Variants in RFC2 observed in about 807,000 individuals in gnomAD.
The protein encoded by RFC2 is replication factor C subunit 2.
A neutral mutation model predicts 44.8 loss-of-function variants in RFC2; 34 were observed. The observed-to-expected ratio is 0.76, with a 90% confidence interval of 0.58 to 1.01. The LOEUF (loss-of-function observed/expected upper bound fraction) is 1.01, where lower values mean the gene tolerates loss of function less well. Among genes scored for constraint, RFC2 ranks in the 50% least tolerant of loss-of-function variants. The pLI, the probability that RFC2 is intolerant of heterozygous loss-of-function variation, is 0.00. For synonymous variants in RFC2, 177 were observed against 168.9 expected, an observed-to-expected ratio of 1.05 and a Z score of -0.37; for missense variants, 400 against 453.6, an observed-to-expected ratio of 0.88 and a Z score of 1.07.
At chr7:74,250,942 C>T (rs1006364515) in intron 2 of RFC2, among the ~76,000 whole-genome samples, 3 of 152,170 alleles carry the variant, frequency 2.0e-5, no homozygotes, top group African/African-American at 7.2e-5. Flanking sequence ...ACGCCCACCA[C>T]CATGCCTGCC....
chr7:74,232,314 GA>G lies in RFC2; in HGVS notation c.955-99del, dbSNP rs1480515400. ...ATAAAAATAAAAACAGAAACAAACT[GA>G]ACTAATGGTTTTTTCAAAATCAGCA... On this transcript the variant is annotated intron_variant, in intron 10 of 10. Transcript: ENST00000055077. 6 of 686,250 alleles carry G rather than the reference GA, an allele frequency of 8.7e-6. No individual in the cohort carries two copies. The Admixed American group carries it at 1.4e-4, about 16-fold the overall frequency. 42.5% of individuals were successfully genotyped at this position (686,250 alleles called of 1,614,324 possible). A position where few individuals can be genotyped will look rare whatever the true frequency, so the allele number is the denominator to read the frequency against.
intron 10 of RFC2, among the ~76,000 whole-genome samples, chr7:74,233,607 T>G (rs540272874): frequency 4.7e-4 from 71 of 150,042 alleles, no homozygotes; most frequent in South Asian, 8.5e-4. Flanking sequence ...TTTTTTTTTT[T>G]TTTTTTTTTT....
chr7:74,243,115 T>C (rs1554719463), intron 6 of RFC2, 31 bp downstream of exon 6: 1 of 1,450,344 alleles, frequency 6.9e-7, no homozygotes, highest in Admixed American at 1.7e-5. Context: ...GAGCACCACG[T>C]GGCCCCCAGC....
chr7:74,246,413 A>AC, intron 5 of RFC2, among the ~76,000 whole-genome samples: 1 of 151,464 alleles, frequency 6.6e-6, no homozygotes, highest in South Asian at 2.1e-4. Context: ...AAAAAAAAAA[A>AC]CAAAAACCCT....
rs138737390 is a variant in RFC2 at position 74,248,882 on chromosome 7, T to C, written c.332+130A>G. On this transcript the variant is annotated intron_variant, in intron 4 of 10. Coordinates refer to ENST00000055077, the MANE Select transcript of RFC2 (RefSeq NM_181471.3). ...TGACAAGTGAGCAACGCTCTTTCAC[T>C]GGGAAGGGGTGGAGGAAATCACATA... The C allele has an allele frequency of 2.5e-4, 167 of 668,822 alleles. 1 individual carries two copies. Among genetic ancestry groups the C allele is most frequent in the Non-Finnish European group, 2.9e-4 (110 of 376,966 alleles). 41.4% of individuals were successfully genotyped at this position (668,822 alleles called of 1,614,324 possible).
At chr7:74,235,079 C>T (rs1563985639) in intron 10 of RFC2, among the ~76,000 whole-genome samples, 1 of 152,176 alleles carries the variant, frequency 6.6e-6, no homozygotes, top group Non-Finnish European at 1.5e-5. Flanking sequence ...CTCTGCTGCC[C>T]AGGCTGGAGT....
intron 6 of RFC2, among the ~76,000 whole-genome samples, chr7:74,240,544 A>AAC (rs1171706093): frequency 6.6e-6 from 1 of 151,834 alleles, no homozygotes; most frequent in Non-Finnish European, 1.5e-5. Flanking sequence ...AGACTTGGTA[A>AAC]ACACAGGGTG....
In RFC2 at chr7:74,234,806, A is replaced by C. The variant is rs781482772; in HGVS notation, c.954+726T>G. Among the ~76,000 whole-genome samples, 33 of 152,252 alleles carry C rather than the reference A, an allele frequency of 2.2e-4. 1 individual carries two copies. Among genetic ancestry groups the C allele is most frequent in the South Asian group, 1.5e-3 (7 of 4,822 alleles). On this transcript the variant is annotated intron_variant, in intron 10 of 10. Transcript: ENST00000055077. ...CCACTTCCCCTTCCAACATGAGCAG[A>C]AGCAGCCTGAACCCCTCCCTAGAAG...
At chr7:74,243,080 C>T in intron 6 of RFC2, 66 bp downstream of exon 6, 2 of 1,036,118 alleles carry the variant, frequency 1.9e-6, no homozygotes, top group Non-Finnish European at 3.0e-6. Context: ...GAGACCACAT[C>T]TATAAAAAAG....
intron 2 of RFC2, 26 bp from the exon 3 acceptor site, chr7:74,249,806 CG>C (rs1786806747): frequency 6.2e-7 from 1 of 1,605,694 alleles, no homozygotes; most frequent in African/African-American, 1.3e-5. Flanking sequence ...TCATTAAAAC[CG>C]GTTAAAACTT....
chr7:74,243,188 T>A lies in RFC2; in HGVS notation c.493A>T (p.Thr165Ser). Residue 165 changes from threonine to serine, a missense_variant, in exon 6 of 11, where the codon ACT (threonine) becomes TCT (serine). Physicochemically the swap from Thr to Ser is moderately conservative, Grantham distance 58 (BLOSUM62 1). Transcript: ENST00000055077. The part of the protein sequence containing the change: ...RRTMEIYSKT[T>S]RFALACNASD... ...GCATTACAAGCAAGGGCGAAGCGAG[T>A]GGTTTTAGAGTAGATTTCCATGGTT... 6.2e-7 allele frequency: 1 copy of A among 1,613,768 alleles called. No homozygotes were observed. The highest frequency in any genetic ancestry group is 8.5e-7 in the Non-Finnish European group (1 of 1,179,840).
chr7:74,237,064 A>C (rs1042340141), intron 9 of RFC2, among the ~76,000 whole-genome samples: 1 of 151,372 alleles, frequency 6.6e-6, no homozygotes, highest in Non-Finnish European at 1.5e-5. Context: ...AACTCCTAGC[A>C]TAATTTTTTT....
chr7:74,252,098 CAAAAAAAAAAAAAAAAAA>C lies in RFC2; in HGVS notation c.183+313_183+330del, dbSNP rs140868309. 3.2e-4 allele frequency among the ~76,000 whole-genome samples: 7 copies of C among 21,540 alleles called. No individual in the cohort carries two copies. The Admixed American group carries it at 3.4e-3, about 10-fold the overall frequency. The allele number at this position is 21,540 out of a possible 152,430, so 14.1% of individuals were successfully genotyped here. On this transcript the variant is annotated intron_variant, in intron 2 of 10. Transcript: ENST00000055077. Reference sequence around the variant, plus strand: ...TGGGCGACAGAGGGAGGCTCCATCTCAAAAAAAAAAAAAAAAAAAAAAAAAAAGGCCAGGTGTGGTGGC... The same window carrying C: ...TGGGCGACAGAGGGAGGCTCCATCTCAAAAAAAAAGGCCAGGTGTGGTGGC...
intron 5 of RFC2, 26 bp from the exon 6 acceptor site, chr7:74,243,272 A>G: frequency 6.7e-7 from 1 of 1,490,186 alleles, no homozygotes. Flanking sequence ...CAAGTTTGCA[A>G]GTGGGACCCA....
At chr7:74,243,343 G>A (rs1039158322) in intron 5 of RFC2, 97 bp from the exon 6 acceptor site, 1 of 788,980 alleles carries the variant, frequency 1.3e-6, no homozygotes, top group Non-Finnish European at 2.2e-6. Context: ...CACATCCAAT[G>A]TCCTAAATGA....
intron 1 of RFC2, 124 bp downstream of exon 1, chr7:74,254,147 G>GCCT: frequency 1.4e-6 from 1 of 727,340 alleles, no homozygotes; most frequent in South Asian, 1.5e-5. Flanking sequence ...GCCACCCGGG[G>GCCT]CCTCCTCCTC....
In RFC2 at chr7:74,238,214, C is replaced by G. The variant is rs1475980256; in HGVS notation, c.759+709G>C. ...AGATCTACCCAGATGCTTCAAAAAT[C>G]GCTTGTCTGTTGTCCACAAACCTGG... On this transcript the variant is annotated intron_variant, in intron 8 of 10. Coordinates refer to ENST00000055077, the MANE Select transcript of RFC2 (RefSeq NM_181471.3). The surrounding 1 kb of genome is among the most constrained non-coding windows in gnomAD (Gnocchi z 4.0). Among the ~76,000 whole-genome samples, 1 of 152,126 alleles carries G rather than the reference C, an allele frequency of 6.6e-6. No homozygotes were observed. The highest frequency in any genetic ancestry group is 1.5e-5 in the Non-Finnish European group (1 of 68,018).
intron 9 of RFC2, among the ~76,000 whole-genome samples, chr7:74,235,998 TACCAC>T (rs1228876098): frequency 6.6e-6 from 1 of 152,214 alleles, no homozygotes; most frequent in Non-Finnish European, 1.5e-5. Flanking sequence ...AATGGTCTAC[TACCAC>T]ACCCATGTAA....
At chr7:74,245,595 C>A (rs1803557413) in intron 5 of RFC2, among the ~76,000 whole-genome samples, 1 of 150,884 alleles carries the variant, frequency 6.6e-6, no homozygotes, top group African/African-American at 2.4e-5. Context: ...CGCCTGTAGT[C>A]CCAGCTACTC....
Sources: allele counts gnomAD v4.1 joint callset (sites outside exome capture counted in the v4.1 genomes callset), GRCh38; gene constraint gnomAD v4.1.1; non-coding constraint Gnocchi (gnomAD v3.1); transcripts MANE v1.5; gene names NCBI Gene and HGNC (gene_info 2026-07-23, HGNC 2026-07-21).